Variants in ARAP2 observed in about 807,000 individuals in gnomAD.
ARAP2 encodes arf-GAP with Rho-GAP domain, ANK repeat and PH domain-containing protein 2.
A neutral mutation model predicts 194.5 loss-of-function variants in ARAP2; 148 were observed. The ratio of observed to expected loss-of-function variants is 0.76; its 90% confidence interval spans 0.67 to 0.87. ARAP2 has a LOEUF of 0.87. ARAP2 is among the 40% of genes least tolerant of loss of function. The pLI, the probability that ARAP2 is intolerant of heterozygous loss-of-function variation, is 0.00. For missense variants in ARAP2, 2,128 were observed against 1,989.7 expected (o/e 1.07, Z -1.32); for synonymous variants, 695 against 683.5 (o/e 1.02, Z -0.26).
chr4:36,017,973 A>T (rs73806425), intron 6 of ARAP2, among the ~76,000 whole-genome samples: 48 of 152,332 alleles, frequency 3.2e-4, no homozygotes, highest in African/African-American at 1.1e-3. Context: ...CTATTATAGT[A>T]TCTATGATAA....
At chr4:36,153,424 A>C (rs1328017857) in intron 15 of ARAP2, among the ~76,000 whole-genome samples, 3 of 152,164 alleles carry the variant, frequency 2.0e-5, no homozygotes, top group Admixed American at 6.5e-5. Context: ...TCTGCTCCAC[A>C]AGTCATTTTA....
At chr4:36,024,796 T>C (rs896979570) in intron 5 of ARAP2, among the ~76,000 whole-genome samples, 2 of 152,150 alleles carry the variant, frequency 1.3e-5, no homozygotes, top group African/African-American at 4.8e-5. Flanking sequence ...AAATACTATA[T>C]ATTATATTTT....
intron 8 of ARAP2, among the ~76,000 whole-genome samples, chr4:36,186,111 A>T (rs2109885949): frequency 6.6e-6 from 1 of 152,346 alleles, no homozygotes. Flanking sequence ...TCAAATAATT[A>T]AAGCACCAAG....
intron 1 of ARAP2, among the ~76,000 whole-genome samples, chr4:36,239,478 T>C (rs1753088844): frequency 6.6e-6 from 1 of 152,188 alleles, no homozygotes; most frequent in African/African-American, 2.4e-5. Flanking sequence ...TGTCACATGC[T>C]ACAATACAGA....
At chr4:36,188,518 G>C (rs935333560) in intron 7 of ARAP2, among the ~76,000 whole-genome samples, 2 of 152,126 alleles carry the variant, frequency 1.3e-5, no homozygotes, top group Admixed American at 1.3e-4. Flanking sequence ...ATAGACAAGT[G>C]CGTGGGGGGC....
intron 12 of ARAP2, among the ~76,000 whole-genome samples, chr4:36,161,146 A>AACACACAC (rs36207295): frequency 3.4e-4 from 50 of 147,992 alleles, no homozygotes; most frequent in Middle Eastern, 3.4e-3. Flanking sequence ...CACACACACA[A>AACACACAC]ACACACACAC....
Position 36,107,685 on chromosome 4 carries a change from G to A in ARAP2, c.4165C>T (p.Leu1389Phe). 1 of 1,598,922 alleles carries A rather than the reference G, an allele frequency of 6.3e-7. No individual in the cohort carries two copies. Among genetic ancestry groups the A allele is most frequent in the Non-Finnish European group, 8.5e-7 (1 of 1,173,728 alleles). Residue 1389 changes from leucine (L) to phenylalanine (F), a missense_variant, in exon 27 of 33, where the codon CTT becomes TTT. Physicochemically the swap from Leu to Phe is conservative, Grantham distance 22. Transcript: ENST00000303965. ...VIENEELERP[L>F]HYKENVLEQV... Reference sequence around the variant, plus strand: ...TCCAGTACATTTTCCTTGTAGTGAAGAGGACGCTCTGTAAAAAATAAATTC... The same window carrying A: ...TCCAGTACATTTTCCTTGTAGTGAAAAGGACGCTCTGTAAAAAATAAATTC...
chr4:36,090,164 GGGTATATTCCT>G lies in ARAP2; in HGVS notation c.4425+1706_4425+1716del, dbSNP rs1241789239. Among the ~76,000 whole-genome samples, 5 of 152,008 alleles carry G rather than the reference GGGTATATTCCT, an allele frequency of 3.3e-5. No homozygotes were observed. The East Asian group carries it at 9.6e-4, about 29-fold the overall frequency. On this transcript the variant is annotated intron_variant, in intron 28 of 32. Coordinates refer to ENST00000303965, the MANE Select transcript of ARAP2 (RefSeq NM_015230.4). ...ATAAACTAGAAAAACTAGAAGAAAT[GGGTATATTCCT>G]GGACACATACAGCCTCCCAGACTAA...
intron 5 of ARAP2, among the ~76,000 whole-genome samples, chr4:36,024,903 G>A (rs1577572484): frequency 6.6e-6 from 1 of 152,078 alleles, no homozygotes; most frequent in Admixed American, 6.6e-5. Flanking sequence ...CTTTCTGCTA[G>A]TCCTTGAAAG....
At chr4:36,009,032 A>C (rs1205139222) in intron 9 of ARAP2, among the ~76,000 whole-genome samples, 2 of 152,190 alleles carry the variant, frequency 1.3e-5, no homozygotes, top group African/African-American at 4.8e-5. Flanking sequence ...GCTTTTGTTA[A>C]AAAGTCAAGA....
At chr4:36,178,564 A>G (rs955285686) in intron 8 of ARAP2, among the ~76,000 whole-genome samples, 1 of 152,176 alleles carries the variant, frequency 6.6e-6, no homozygotes, top group Non-Finnish European at 1.5e-5. Context: ...CTGGCAAATT[A>G]AAATTTGGTT....
intron 13 of ARAP2, chr4:36,159,802 A>C: frequency 4.9e-6 from 1 of 202,376 alleles, no homozygotes; most frequent in Non-Finnish European, 9.8e-6. Flanking sequence ...CTTACATACT[A>C]TGATAATGAC....
chr4:36,183,917 A>G (rs1739885342), intron 8 of ARAP2, among the ~76,000 whole-genome samples: 2 of 152,200 alleles, frequency 1.3e-5, no homozygotes, highest in African/African-American at 2.4e-5. Context: ...GCTATTGTAT[A>G]TAGATCATTC....
At chr4:36,120,981 A>C (rs1722531860) in intron 23 of ARAP2, among the ~76,000 whole-genome samples, 198 bp downstream of exon 23, 1 of 151,718 alleles carries the variant, frequency 6.6e-6, no homozygotes, top group Non-Finnish European at 1.5e-5. Context: ...AAAAGTTTTA[A>C]ATGCAACCAA....
intron 19 of ARAP2, among the ~76,000 whole-genome samples, chr4:36,139,890 A>G (rs1394906399): frequency 6.6e-6 from 1 of 151,636 alleles, no homozygotes; most frequent in African/African-American, 2.4e-5. Context: ...AATTCAATAG[A>G]AAATACTAAT....
At chr4:36,017,567 A>AAAAAAAAAAAAT (rs1716079921) in intron 6 of ARAP2, among the ~76,000 whole-genome samples, 2 of 145,042 alleles carry the variant, frequency 1.4e-5, no homozygotes, top group Admixed American at 1.4e-4. Flanking sequence ...AAAGTGGTAA[A>AAAAAAAAAAAAT]AAAAAAAAAA....
At position 36,231,751 on chromosome 4, in the gene ARAP2, C is replaced by G. The variant is rs549861098; in HGVS notation, c.-159-2106G>C. On this transcript the variant is annotated intron_variant, in intron 1 of 32. Transcript: ENST00000303965. ...TCTGTCCCTACCCCAAATCTAAAGC[C>G]TAGACTGTATTCCCAAGTCCACCTT... is the stretch of plus-strand genomic sequence containing the variant. 3.9e-5 allele frequency among the ~76,000 whole-genome samples: 6 copies of G among 152,152 alleles called. No homozygotes were observed. In the East Asian group the frequency reaches 1.2e-3, roughly 29 times the overall value.
chr4:36,167,114 AT>A lies in ARAP2; in HGVS notation c.1858-68del, dbSNP rs545758895. The A allele has an allele frequency of 2.6e-5, 25 of 957,450 alleles. No homozygotes were observed. The African/African-American group carries it at 3.2e-4, about 12-fold the overall frequency. The allele number at this position is 957,450 out of a possible 1,614,324, so 59.3% of individuals were successfully genotyped here. On this transcript the variant is annotated intron_variant, in intron 9 of 32. Transcript: ENST00000303965. The stretch of plus-strand genomic sequence containing the variant: ...AAAAAGATTTTGAAAGTATAATTAC[AT>A]TTTCTAAATTCCAATAAATTCTACC...
intron 6 of ARAP2, among the ~76,000 whole-genome samples, chr4:36,017,676 T>A (rs1172284464): frequency 6.9e-6 from 1 of 144,808 alleles, no homozygotes; most frequent in African/African-American, 2.6e-5. Flanking sequence ...GGACAGTAAA[T>A]CTCATGACTG....
Sources: gnomAD v4.1 joint callset for allele counts (sites outside exome capture counted in the v4.1 genomes callset) on GRCh38, gnomAD v4.1.1 for gene constraint, MANE v1.5 for transcripts, NCBI Gene and HGNC (gene_info 2026-07-23, HGNC 2026-07-21) for gene names.